The following SPATS2L variants were observed in gnomAD, a reference collection of about 807,000 sequenced individuals.
The protein encoded by SPATS2L is SPATS2-like protein.
SPATS2L carries 30 observed loss-of-function variants against 59.6 expected under a neutral mutation model. The ratio of observed to expected loss-of-function variants is 0.50; its 90% CI spans 0.38 to 0.68. SPATS2L has a LOEUF of 0.68. SPATS2L is among the 30% of genes least tolerant of loss of function. The probability of loss-of-function intolerance (pLI) is 0.00; values close to 1 mark genes in which losing one functional copy is unlikely to be tolerated. For synonymous variants in SPATS2L, 252 were observed against 263.5 expected (o/e 0.96, Z 0.42); for missense variants, 615 against 700.0 (o/e 0.88, Z 1.37).
At chr2:200,354,007 A>G (rs1013292749) in intron 2 of SPATS2L, among the ~76,000 whole-genome samples, 3 of 152,108 alleles carry the variant, frequency 2.0e-5, no homozygotes. Flanking sequence ...TTCCCAAGTA[A>G]GTTTGTTTTT....
chr2:200,411,609 T>G (rs893355), intron 3 of SPATS2L, among the ~76,000 whole-genome samples: 134,717 of 152,234 alleles, frequency 0.88, 60,565 homozygotes, highest in Non-Finnish European at 0.96. Flanking sequence ...ATTCTAATAG[T>G]CAAGAAGAAA....
intron 1 of SPATS2L, among the ~76,000 whole-genome samples, chr2:200,321,749 T>C (rs1304819016): frequency 6.6e-6 from 1 of 152,362 alleles, no homozygotes; most frequent in East Asian, 1.9e-4. Context: ...GAAAAAAACT[T>C]ACAGTTCTTT....
intron 1 of SPATS2L, among the ~76,000 whole-genome samples, chr2:200,328,490 TA>T (rs1163260122): frequency 6.6e-6 from 1 of 152,184 alleles, no homozygotes; most frequent in African/African-American, 2.4e-5. Flanking sequence ...ATTTAAAGAT[TA>T]AGCCCAGAGA....
At chr2:200,337,474 A>G (rs1371143301) in intron 2 of SPATS2L, among the ~76,000 whole-genome samples, 1 of 152,178 alleles carries the variant, frequency 6.6e-6, no homozygotes, top group Non-Finnish European at 1.5e-5. Context: ...ACAGAGTGCC[A>G]AGTATAGGCC....
intron 2 of SPATS2L, among the ~76,000 whole-genome samples, chr2:200,362,701 C>T (rs2081147007): frequency 6.6e-6 from 1 of 152,190 alleles, no homozygotes; most frequent in South Asian, 2.1e-4. Context: ...CAACAGTTTG[C>T]TTTGCCTGTG....
At chr2:200,307,085 G>C (rs1302263646) in intron 1 of SPATS2L, among the ~76,000 whole-genome samples, 163 bp downstream of exon 1, 1 of 150,702 alleles carries the variant, frequency 6.6e-6, no homozygotes. Context: ...TGTGGCCCGC[G>C]CTCGGCGCCG....
At chr2:200,400,474 G>T (rs1249875425) in intron 3 of SPATS2L, among the ~76,000 whole-genome samples, 1 of 152,162 alleles carries the variant, frequency 6.6e-6, no homozygotes, top group East Asian at 1.9e-4. Flanking sequence ...AGATCAAAGA[G>T]ACTGTTGCTA....
Position 200,480,928 on chromosome 2 carries a change from G to GA in SPATS2L, c.*2898dup, listed in dbSNP as rs1346758225. ...TATTCTCTTAAACATTTGCCTAGTA[G>GA]AGGTTAAAATAGTTTAATCCTTATG... On this transcript the variant is annotated 3_prime_UTR_variant, in exon 13 of 13. Transcript: ENST00000409140. The GA allele has an allele frequency of 6.6e-6, 1 of 152,106 alleles. No individual in the cohort carries two copies. Among genetic ancestry groups the GA allele is most frequent in the Non-Finnish European group, 1.5e-5 (1 of 68,012 alleles). The allele number at this position is 152,106 out of a possible 1,614,324, so 9.4% of individuals were successfully genotyped here. A position where few individuals can be genotyped will look rare whatever the true frequency, so the allele number is the denominator to read the frequency against.
At chr2:200,462,400 G>A (rs1248366041) in intron 9 of SPATS2L, among the ~76,000 whole-genome samples, 3 of 152,184 alleles carry the variant, frequency 2.0e-5, no homozygotes, top group Non-Finnish European at 4.4e-5. Context: ...CAAATGTAGA[G>A]CCTGCACTCA....
In SPATS2L at chr2:200,469,895, T is replaced by C; in HGVS notation, c.958-19T>C. 1 of 1,593,148 alleles carries C rather than the reference T, an allele frequency of 6.3e-7. No homozygotes were observed. The highest frequency in any genetic ancestry group is 8.6e-7 in the Non-Finnish European group (1 of 1,168,690). ...TTTCTGTAATCATGGGGTTCCTGCT[T>C]TTCATCTCTTTCCTCCAGCACTTTG... On this transcript the variant is annotated intron_variant, in intron 10 of 12. Transcript: ENST00000409140.
rs189502153 is a variant in SPATS2L at position 200,331,815 on chromosome 2, G to A, written c.-23+2335G>A. 2.0e-4 allele frequency among the ~76,000 whole-genome samples: 31 copies of A among 152,320 alleles called. No homozygotes were observed. The East Asian group carries it at 5.4e-3, about 27-fold the overall frequency. ...TTAGTTATTTTGTTGTTATTGGTAAGACAGTGGTCGACCAGAGGCAGATTT... is the reference window on the plus strand; with the variant it reads ...TTAGTTATTTTGTTGTTATTGGTAAAACAGTGGTCGACCAGAGGCAGATTT... On this transcript the variant is annotated intron_variant, in intron 2 of 12. Coordinates refer to ENST00000409140, the MANE Select transcript of SPATS2L (RefSeq NM_001100423.2).
At position 200,481,878 on chromosome 2, in the gene SPATS2L, C is replaced by G. The variant is rs1304103446; in HGVS notation, c.*3847C>G. 2 of 152,314 alleles carry G rather than the reference C, an allele frequency of 1.3e-5. No individual in the cohort carries two copies. Among genetic ancestry groups the G allele is most frequent in the Admixed American group, 6.5e-5 (1 of 15,288 alleles). The allele number at this position is 152,314 out of a possible 1,614,324, so 9.4% of individuals were successfully genotyped here. ...TGTATTTTTAGTAGATACAGGGTTT[C>G]ACCGTGTTAGCCAGGATGGTTTTGA... On this transcript the variant is annotated 3_prime_UTR_variant, in exon 13 of 13. Transcript: ENST00000409140.
chr2:200,469,512 A>G (rs1377682323), intron 10 of SPATS2L, among the ~76,000 whole-genome samples: 1 of 152,202 alleles, frequency 6.6e-6, no homozygotes, highest in Admixed American at 6.5e-5. Context: ...CTGTTAAAAT[A>G]GGAATGGGGG....
intron 1 of SPATS2L, among the ~76,000 whole-genome samples, chr2:200,329,121 G>A (rs976516532): frequency 6.6e-5 from 10 of 152,210 alleles, no homozygotes; most frequent in African/African-American, 2.2e-4. Flanking sequence ...AATGTTAGCT[G>A]TTGTTGGTGT....
intron 11 of SPATS2L, among the ~76,000 whole-genome samples, 189 bp from the exon 12 acceptor site, chr2:200,472,643 A>G (rs138091680): frequency 1.3e-5 from 2 of 152,338 alleles, no homozygotes; most frequent in African/African-American, 4.8e-5. Flanking sequence ...AGTGATTCCC[A>G]CAAAAGAAAT....
At chr2:200,337,410 G>A (rs2080177464) in intron 2 of SPATS2L, among the ~76,000 whole-genome samples, 1 of 152,160 alleles carries the variant, frequency 6.6e-6, no homozygotes, top group African/African-American at 2.4e-5. Context: ...AATAGCAAAA[G>A]CATCTTGGTA....
chr2:200,459,439 T>C (rs1459694762), intron 8 of SPATS2L, among the ~76,000 whole-genome samples: 1 of 152,206 alleles, frequency 6.6e-6, no homozygotes, highest in Non-Finnish European at 1.5e-5. Flanking sequence ...ATACTTATTA[T>C]ATTGTTTTGG....
intron 3 of SPATS2L, among the ~76,000 whole-genome samples, chr2:200,399,043 TA>T (rs2082439281): frequency 6.6e-6 from 1 of 152,232 alleles, no homozygotes; most frequent in Non-Finnish European, 1.5e-5. Flanking sequence ...ATCAATTATA[TA>T]ACTTAATGTT....
At chr2:200,372,195 GT>G in intron 2 of SPATS2L, 1 of 985,312 alleles carries the variant, frequency 1.0e-6, no homozygotes, top group Non-Finnish European at 1.2e-6. Flanking sequence ...AAACAACATT[GT>G]TTCTCCCTTT....
Sources: gnomAD v4.1 joint callset for allele counts (sites outside exome capture counted in the v4.1 genomes callset) on GRCh38, gnomAD v4.1.1 for gene constraint, MANE v1.5 for transcripts, NCBI Gene and HGNC (gene_info 2026-07-23, HGNC 2026-07-21) for gene names.